The following GAS7 variants were observed in gnomAD, a reference collection of about 807,000 sequenced individuals.
GAS7 encodes the protein growth arrest specific 7, also known as growth arrest-specific protein 7.
A neutral mutation model predicts 71.1 loss-of-function variants in GAS7; 28 were observed. The observed-to-expected ratio is 0.39, with a 90% CI of 0.29 to 0.54. The LOEUF (loss-of-function observed/expected upper bound fraction) is 0.54. Among genes scored for constraint, GAS7 ranks in the 20% least tolerant of loss-of-function variants. The probability of loss-of-function intolerance (pLI) is 0.62; values close to 1 mark genes in which losing one functional copy is unlikely to be tolerated. For missense variants in GAS7, 436 were observed against 627.8 expected, an observed-to-expected ratio of 0.69 and a Z score of 3.27; for synonymous variants, 258 against 245.8, an observed-to-expected ratio of 1.05 and a Z score of -0.46.
chr17:10,150,681 C>T (rs1432050118), intron 1 of GAS7, among the ~76,000 whole-genome samples: 1 of 147,674 alleles, frequency 6.8e-6, no homozygotes, highest in African/African-American at 2.5e-5. Context: ...CTCTGCCTCA[C>T]AGGCTCAAGC....
chr17:9,920,182 AGTGT>A (rs59320661), intron 11 of GAS7, among the ~76,000 whole-genome samples: 248 of 141,150 alleles, frequency 1.8e-3, no homozygotes, highest in African/African-American at 5.9e-3. Context: ...AGATCATGTA[AGTGT>A]GTGTGTGTGT....
At chr17:10,159,849 G>A (rs367921067) in intron 1 of GAS7, among the ~76,000 whole-genome samples, 87 of 147,738 alleles carry the variant, frequency 5.9e-4, no homozygotes, top group African/African-American at 1.9e-3. Flanking sequence ...GCAGTGGCAC[G>A]ATCTTGGCTC....
chr17:9,976,713 G>A (rs918030152), intron 3 of GAS7, among the ~76,000 whole-genome samples: 1 of 152,196 alleles, frequency 6.6e-6, no homozygotes, highest in Non-Finnish European at 1.5e-5. Flanking sequence ...GTGGGCTGAA[G>A]CCCCAAGGCT....
chr17:10,121,073 G>A (rs779782925), intron 1 of GAS7, among the ~76,000 whole-genome samples: 31 of 152,204 alleles, frequency 2.0e-4, no homozygotes, highest in African/African-American at 6.5e-4. Flanking sequence ...GTATACAGCC[G>A]CCAGTGGTTA....
At position 10,066,884 on chromosome 17, in the gene GAS7, T is replaced by C. The variant is rs541715130; in HGVS notation, c.184-46987A>G. ...GACTTGGGAGCCAGACTGCCTGGGTTCAAATCCATGCTTTCCCAGGACAAG... is the reference window on the plus strand; with the variant it reads ...GACTTGGGAGCCAGACTGCCTGGGTCCAAATCCATGCTTTCCCAGGACAAG... On this transcript the variant is annotated intron_variant, in intron 1 of 13. Coordinates refer to ENST00000432992, the MANE Select transcript of GAS7 (RefSeq NM_201433.2). 1.2e-4 allele frequency among the ~76,000 whole-genome samples: 18 copies of C among 152,160 alleles called. No homozygotes were observed. In the South Asian group the frequency reaches 3.7e-3, roughly 32 times the overall value.
intron 1 of GAS7, among the ~76,000 whole-genome samples, chr17:10,150,809 G>A (rs1043599369): frequency 3.3e-5 from 5 of 151,974 alleles, no homozygotes; most frequent in African/African-American, 7.2e-5. Flanking sequence ...GGCTGGTCTC[G>A]AACTCCTGAC....
chr17:10,159,759 C>T lies in GAS7; in HGVS notation c.183+38449G>A, dbSNP rs143648764. Among the ~76,000 whole-genome samples the T allele has an allele frequency of 8.5e-3, 1,287 of 150,644 alleles. 8 individuals are homozygous for T. The highest frequency in any genetic ancestry group is 0.012 in the Non-Finnish European group (841 of 67,858). ...AGAGTGTTCCCAGTTTATGAAAACGCATCAAACTATACACATGAAGTGTGA... is the reference window on the plus strand; with the variant it reads ...AGAGTGTTCCCAGTTTATGAAAACGTATCAAACTATACACATGAAGTGTGA... On this transcript the variant is annotated intron_variant, in intron 1 of 13. Transcript: ENST00000432992.
chr17:9,911,646 C>T lies in GAS7; in HGVS notation c.*5582G>A, dbSNP rs751483936. 14 of 232,664 alleles carry T rather than the reference C, an allele frequency of 6.0e-5. No individual in the cohort carries two copies. The highest frequency in any genetic ancestry group is 1.0e-4 in the Non-Finnish European group (12 of 117,738). 14.4% of individuals were successfully genotyped at this position (232,664 alleles called of 1,614,324 possible). A position where few individuals can be genotyped will look rare whatever the true frequency, so the allele number is the denominator to read the frequency against. ...TTCTTCACCTCCAGGAAAGCCTCAA[C>T]AAAAATACTCCTGAGGGGGAGACAA... On this transcript the variant is annotated 3_prime_UTR_variant, in exon 14 of 14. Transcript: ENST00000432992. This position sits in a 1 kb window ranked among gnomAD's most constrained non-coding sequence, Gnocchi z 4.0.
At chr17:9,925,650 G>A (rs749228690) in intron 10 of GAS7, 51 bp from the exon 11 acceptor site, 11 of 1,606,292 alleles carry the variant, frequency 6.8e-6, no homozygotes, top group Admixed American at 1.7e-5. Context: ...GAGCCAGTGG[G>A]CCTCCTGGGC....
In GAS7 at chr17:9,913,155, GA is replaced by G. The variant is rs747013357; in HGVS notation, c.*4072del. The stretch of plus-strand genomic sequence containing the variant: ...ACAGAGCTGTATATTTCCAAAGGGT[GA>G]ATTTTACTGGATGTCAATCATACCT... On this transcript the variant is annotated 3_prime_UTR_variant, in exon 14 of 14. Transcript: ENST00000432992. 3.0e-5 allele frequency: 7 copies of G among 232,206 alleles called. No homozygotes were observed. The highest frequency in any genetic ancestry group is 5.1e-5 in the Non-Finnish European group (6 of 117,494). The allele number at this position is 232,206 out of a possible 1,614,324, so 14.4% of individuals were successfully genotyped here. A position where few individuals can be genotyped will look rare whatever the true frequency, so the allele number is the denominator to read the frequency against.
At chr17:9,962,355 T>C (rs1321522531) in intron 4 of GAS7, among the ~76,000 whole-genome samples, 1 of 152,064 alleles carries the variant, frequency 6.6e-6, no homozygotes, top group South Asian at 2.1e-4. Flanking sequence ...TGGCTAGAAA[T>C]TGGTTTCCAA....
intron 1 of GAS7, among the ~76,000 whole-genome samples, chr17:10,064,379 C>T (rs1199707553): frequency 6.6e-6 from 1 of 152,214 alleles, no homozygotes; most frequent in East Asian, 1.9e-4. Flanking sequence ...GCCTGCCCAG[C>T]AGGCCATACG....
At chr17:10,124,475 C>T (rs1308992413) in intron 1 of GAS7, among the ~76,000 whole-genome samples, 1 of 152,244 alleles carries the variant, frequency 6.6e-6, no homozygotes, top group Non-Finnish European at 1.5e-5. Context: ...CAGATCGGGG[C>T]TCTGGCCTGC....
intron 2 of GAS7, among the ~76,000 whole-genome samples, chr17:10,008,108 A>T (rs529739396): frequency 2.8e-4 from 42 of 152,286 alleles, no homozygotes; most frequent in African/African-American, 9.9e-4. Flanking sequence ...TATGGCTAAA[A>T]CCACATTTTG....
At chr17:9,971,782 G>A (rs998479007) in intron 3 of GAS7, among the ~76,000 whole-genome samples, 1 of 152,210 alleles carries the variant, frequency 6.6e-6, no homozygotes, top group Non-Finnish European at 1.5e-5. Flanking sequence ...GATTCTTCTA[G>A]AGAAAACTCT....
chr17:9,915,797 G>A lies in GAS7; in HGVS notation c.*1431C>T, dbSNP rs2067567208. The stretch of plus-strand genomic sequence containing the variant: ...GGGCATGGGCTCCCGACTAGAATCT[G>A]CCCCTCGCTCATGCTTCTCCCGGCC... On this transcript the variant is annotated 3_prime_UTR_variant, in exon 14 of 14. Coordinates refer to ENST00000432992, the MANE Select transcript of GAS7 (RefSeq NM_201433.2). 4.3e-6 allele frequency: 1 copy of A among 231,370 alleles called. No individual in the cohort carries two copies. Among genetic ancestry groups the A allele is most frequent in the Non-Finnish European group, 8.6e-6 (1 of 116,808 alleles). The allele number at this position is 231,370 out of a possible 1,614,324, so 14.3% of individuals were successfully genotyped here. A position where few individuals can be genotyped will look rare whatever the true frequency, so the allele number is the denominator to read the frequency against.
chr17:10,051,609 G>A (rs947323982), intron 1 of GAS7, among the ~76,000 whole-genome samples: 5 of 152,274 alleles, frequency 3.3e-5, no homozygotes, highest in Admixed American at 1.3e-4. Flanking sequence ...GCAAGTCCAC[G>A]AGGGCTACAA....
In GAS7 at chr17:9,997,423, T is replaced by TA. The variant is rs149409988; in HGVS notation, c.305-15540dup. 7.6e-3 allele frequency among the ~76,000 whole-genome samples: 1,159 copies of TA among 152,192 alleles called. 17 individuals carry two copies. Among genetic ancestry groups the TA allele is most frequent in the East Asian group, 0.065 (336 of 5,182 alleles). ...AAATCACAGTCAGAATAATAAAACA[T>TA]AAAAAATGACAACCATTTGCTACAT... On this transcript the variant is annotated intron_variant, in intron 2 of 13. Transcript: ENST00000432992.
At chr17:10,030,945 TCCG>T (rs2072602922) in intron 1 of GAS7, among the ~76,000 whole-genome samples, 1 of 152,190 alleles carries the variant, frequency 6.6e-6, no homozygotes, top group African/African-American at 2.4e-5. Context: ...CCATGGAGTG[TCCG>T]GCATACTCTT....
Sources: allele counts gnomAD v4.1 joint callset (sites outside exome capture counted in the v4.1 genomes callset), GRCh38; gene constraint gnomAD v4.1.1; non-coding constraint Gnocchi (gnomAD v3.1); transcripts MANE v1.5; gene names NCBI Gene and HGNC (gene_info 2026-07-23, HGNC 2026-07-21).